Variants in PDZD2 observed in about 807,000 individuals in gnomAD.
The protein encoded by PDZD2 is PDZ domain-containing protein 2.
Under a neutral mutation model 220.7 loss-of-function variants are expected in PDZD2, and 90 were observed. The ratio of observed to expected loss-of-function variants is 0.41; its 90% CI spans 0.34 to 0.49. PDZD2 has a LOEUF of 0.49. Among genes scored for constraint, PDZD2 ranks in the 20% least tolerant of loss-of-function variants. PDZD2 has a pLI of 0.28. For missense variants in PDZD2, 3,174 were observed against 3,608.5 expected, an observed-to-expected ratio of 0.88 and a Z score of 3.08; for synonymous variants, 1,375 against 1,450.5, an observed-to-expected ratio of 0.95 and a Z score of 1.18.
At chr5:31,954,154 G>A (rs192538761) in intron 2 of PDZD2, among the ~76,000 whole-genome samples, 101 of 151,970 alleles carry the variant, frequency 6.6e-4, no homozygotes, top group Admixed American at 4.4e-3. Flanking sequence ...ATGGTTTTGC[G>A]AGTGGTGTGA....
chr5:31,826,773 G>A (rs1389308869), intron 2 of PDZD2, among the ~76,000 whole-genome samples: 2 of 152,022 alleles, frequency 1.3e-5, no homozygotes, highest in Non-Finnish European at 2.9e-5. Context: ...ACATGCATTA[G>A]GTATATGCTT....
At chr5:32,015,812 T>C (rs111534132) in intron 6 of PDZD2, among the ~76,000 whole-genome samples, 3,680 of 123,162 alleles carry the variant, frequency 0.03, 114 homozygotes, top group African/African-American at 0.086. Context: ...GGGTGATACT[T>C]ATTAAGTTGG....
At chr5:31,983,117 G>A (rs1750429207) in intron 2 of PDZD2, 38 bp from the exon 3 acceptor site, 2 of 1,586,880 alleles carry the variant, frequency 1.3e-6, no homozygotes, top group Non-Finnish European at 1.7e-6. Flanking sequence ...TAGGAAGGGT[G>A]TGTGGGGTTC....
At chr5:31,696,874 G>A (rs758626282) in intron 1 of PDZD2, among the ~76,000 whole-genome samples, 2 of 152,116 alleles carry the variant, frequency 1.3e-5, no homozygotes, top group Non-Finnish European at 2.9e-5. Context: ...GACAGTCATC[G>A]TTCAGTTCAC....
chr5:31,764,221 G>A (rs1049725283), intron 1 of PDZD2, among the ~76,000 whole-genome samples: 6 of 152,210 alleles, frequency 3.9e-5, no homozygotes, highest in Admixed American at 3.3e-4. Flanking sequence ...CAAAGTAAAA[G>A]AGATGGAATT....
In PDZD2 at chr5:31,903,219, G is replaced by A. The variant is rs184803570; in HGVS notation, c.477-79936G>A. ...TGAGGCGGGAAAATCGCTTGAACCC[G>A]GGAGGCAGAGGTTCCAGTGAGCTGA... On this transcript the variant is annotated intron_variant, in intron 2 of 24. Coordinates refer to ENST00000438447, the MANE Select transcript of PDZD2 (RefSeq NM_178140.4). Among the ~76,000 whole-genome samples, 1,119 of 151,430 alleles carry A rather than the reference G, an allele frequency of 7.4e-3. 11 individuals are homozygous for A. The highest frequency in any genetic ancestry group is 0.025 in the African/African-American group (1,049 of 41,272).
intron 2 of PDZD2, among the ~76,000 whole-genome samples, chr5:31,897,846 C>T (rs1176667669): frequency 6.6e-6 from 1 of 151,986 alleles, no homozygotes; most frequent in Non-Finnish European, 1.5e-5. Context: ...AAGCAATTCT[C>T]CTGCCTCAGC....
chr5:31,757,515 C>A lies in PDZD2; in HGVS notation c.-360-41374C>A, dbSNP rs181089768. On this transcript the variant is annotated intron_variant, in intron 1 of 24. Coordinates refer to ENST00000438447, the MANE Select transcript of PDZD2 (RefSeq NM_178140.4). Reference sequence around the variant, plus strand: ...GCTGAGGCAGGAGAATGGCATAAACCTGAGAGGCGGAGCTTGCAGTGAGCC... The same window carrying A: ...GCTGAGGCAGGAGAATGGCATAAACATGAGAGGCGGAGCTTGCAGTGAGCC... Among the ~76,000 whole-genome samples, 3 of 152,010 alleles carry A rather than the reference C, an allele frequency of 2.0e-5. No homozygotes were observed. In the East Asian group the frequency reaches 5.8e-4, roughly 29 times the overall value.
intron 2 of PDZD2, among the ~76,000 whole-genome samples, chr5:31,863,425 G>A (rs867785340): frequency 6.6e-6 from 1 of 152,176 alleles, no homozygotes; most frequent in African/African-American, 2.4e-5. Context: ...CCTGCCTAGC[G>A]TGGTTTTCCA....
intron 1 of PDZD2, among the ~76,000 whole-genome samples, chr5:31,701,826 C>T (rs1037903591): frequency 6.6e-6 from 1 of 152,180 alleles, no homozygotes; most frequent in African/African-American, 2.4e-5. Context: ...GTTTCCAGTC[C>T]GTAAGTTAAT....
intron 1 of PDZD2, among the ~76,000 whole-genome samples, chr5:31,668,052 G>T (rs1746072438): frequency 6.6e-6 from 1 of 151,856 alleles, no homozygotes; most frequent in Non-Finnish European, 1.5e-5. Context: ...AGTAAAGACG[G>T]GGGTTTCACC....
At chr5:32,033,623 CTTT>C (rs72293245) in intron 6 of PDZD2, among the ~76,000 whole-genome samples, 73 of 146,978 alleles carry the variant, frequency 5.0e-4, no homozygotes, top group South Asian at 6.5e-4. Context: ...CACCATCTCT[CTTT>C]TTTTTTTTTT....
At chr5:31,697,181 A>G (rs1293467571) in intron 1 of PDZD2, among the ~76,000 whole-genome samples, 1 of 152,202 alleles carries the variant, frequency 6.6e-6, no homozygotes, top group Admixed American at 6.5e-5. Context: ...GAAAGAACAC[A>G]GCTGAGCGTG....
intron 1 of PDZD2, among the ~76,000 whole-genome samples, chr5:31,705,302 A>G (rs1204331943): frequency 6.6e-6 from 1 of 152,216 alleles, no homozygotes; most frequent in Non-Finnish European, 1.5e-5. Context: ...GGACAGAATT[A>G]GAGAATAATT....
intron 2 of PDZD2, among the ~76,000 whole-genome samples, chr5:31,854,224 A>C (rs1758229245): frequency 6.6e-6 from 1 of 152,140 alleles, no homozygotes; most frequent in African/African-American, 2.4e-5. Flanking sequence ...TGATGTAAAC[A>C]ATTCGGCCTC....
chr5:31,908,975 G>A (rs1742936935), intron 2 of PDZD2: 1 of 320,966 alleles, frequency 3.1e-6, no homozygotes, highest in African/African-American at 2.2e-5. Context: ...GAACCCGGGA[G>A]GCGGAGGCTG....
intron 7 of PDZD2, among the ~76,000 whole-genome samples, chr5:32,039,904 CGGCCCCA>C (rs1755908674): frequency 6.7e-6 from 1 of 149,736 alleles, no homozygotes; most frequent in Non-Finnish European, 1.5e-5. Context: ...CTCTGCCCGG[CGGCCCCA>C]TCTGGGAGGA....
At chr5:31,776,489 T>TTC (rs1752661703) in intron 1 of PDZD2, among the ~76,000 whole-genome samples, 2 of 140,816 alleles carry the variant, frequency 1.4e-5, no homozygotes, top group Non-Finnish European at 3.1e-5. Context: ...TTTATTTATT[T>TTC]ATTCATTTTT....
At chr5:31,950,437 C>G (rs1446249569) in intron 2 of PDZD2, among the ~76,000 whole-genome samples, 22 of 152,144 alleles carry the variant, frequency 1.4e-4, no homozygotes. Flanking sequence ...CTGACGTGCT[C>G]TTGTTGGATA....
Sources: allele counts gnomAD v4.1 joint callset (sites outside exome capture counted in the v4.1 genomes callset), GRCh38; gene constraint gnomAD v4.1.1; transcripts MANE v1.5; gene names NCBI Gene and HGNC (gene_info 2026-07-23, HGNC 2026-07-21).